NFYC: variants seen among roughly 807,000 people sequenced by gnomAD.
The protein encoded by NFYC is nuclear transcription factor Y subunit gamma.
In NFYC, 25 loss-of-function variants were observed where a neutral mutation model predicts 53.1. The ratio of observed to expected loss-of-function variants is 0.47; its 90% confidence interval spans 0.34 to 0.66. NFYC has a LOEUF of 0.66. Ranked by LOEUF, NFYC falls within the 30% of genes least tolerant of loss-of-function variation. The probability of loss-of-function intolerance (pLI) is 0.01; values close to 1 mark genes in which losing one functional copy is unlikely to be tolerated. For missense variants in NFYC, 260 were observed against 422.7 expected (o/e 0.62, Z 3.38); for synonymous variants, 145 against 152.6 (o/e 0.95, Z 0.37).
chr1:40,754,533 C>T, intron 5 of NFYC: 1 of 436,606 alleles, frequency 2.3e-6, no homozygotes, highest in Non-Finnish European at 4.8e-6. Context: ...TCCTTCCCTC[C>T]TCTCTCAGAA....
chr1:40,715,273 C>G (rs1044263831), intron 1 of NFYC, among the ~76,000 whole-genome samples: 1 of 151,604 alleles, frequency 6.6e-6, no homozygotes, highest in African/African-American at 2.4e-5. Flanking sequence ...AGGCGTAGTC[C>G]CAGCTATACA....
intron 3 of NFYC, 52 bp downstream of exon 3, chr1:40,747,657 G>A: frequency 8.4e-7 from 1 of 1,186,968 alleles, no homozygotes; most frequent in Non-Finnish European, 1.2e-6. Context: ...GTGATGGGTA[G>A]GTTATTGCTC....
chr1:40,767,527 G>A (rs927593245), intron 8 of NFYC, among the ~76,000 whole-genome samples: 1 of 152,070 alleles, frequency 6.6e-6, no homozygotes, highest in Non-Finnish European at 1.5e-5. Flanking sequence ...CCACTCCCCG[G>A]CTTACCTAAG....
intron 5 of NFYC, chr1:40,757,330 T>A (rs758462122): frequency 1.9e-6 from 1 of 534,312 alleles, no homozygotes; most frequent in South Asian, 1.4e-5. Flanking sequence ...AGCTGTGAGC[T>A]CAAGGTGGCT....
chr1:40,732,082 C>G (rs1246637876), intron 1 of NFYC, among the ~76,000 whole-genome samples: 4 of 152,220 alleles, frequency 2.6e-5, no homozygotes, highest in African/African-American at 9.6e-5. Context: ...TTTAGCGGAG[C>G]TTCCTGTGGT....
At chr1:40,737,901 CTTTTTT>C (rs530348029) in intron 1 of NFYC, among the ~76,000 whole-genome samples, 5 of 123,154 alleles carry the variant, frequency 4.1e-5, no homozygotes, top group African/African-American at 9.4e-5. Context: ...TGCTCTCTCT[CTTTTTT>C]TTTTTTTTTT....
intron 6 of NFYC, among the ~76,000 whole-genome samples, chr1:40,759,787 C>T (rs949055146): frequency 6.6e-6 from 1 of 151,960 alleles, no homozygotes; most frequent in African/African-American, 2.4e-5. Context: ...CAGGCAAAGG[C>T]TCAGAGGTGA....
intron 1 of NFYC, among the ~76,000 whole-genome samples, chr1:40,726,848 G>A (rs1644540980): frequency 1.3e-5 from 2 of 152,188 alleles, no homozygotes; most frequent in Non-Finnish European, 2.9e-5. Flanking sequence ...TTCAAAACTG[G>A]AGTTTGTCCT....
chr1:40,721,215 A>G (rs924014345), intron 1 of NFYC, among the ~76,000 whole-genome samples: 7 of 152,212 alleles, frequency 4.6e-5, no homozygotes, highest in African/African-American at 1.4e-4. Context: ...ATTTCTTTAC[A>G]TTTGTACTGT....
chr1:40,766,646 A>G lies in NFYC; in HGVS notation c.771A>G (p.Val257=), dbSNP rs781010614. ...QLQYIRLAQP[V]SGTQVVQGQI... ...AGTATATCCGCTTAGCCCAGCCTGT[A>G]TCAGGCACTCAAGTTGTGCAGGGAC... The change falls in exon 8 of 10, where the codon GTA becomes GTG. Residue 257 remains valine, a synonymous_variant. Coordinates refer to ENST00000447388, the MANE Select transcript of NFYC (RefSeq NM_014223.5). 2 of 1,614,088 alleles carry G rather than the reference A, an allele frequency of 1.2e-6. No individual in the cohort carries two copies. The highest frequency in any genetic ancestry group is 1.7e-6 in the Non-Finnish European group (2 of 1,179,996).
At chr1:40,735,220 G>T (rs1014697488) in intron 1 of NFYC, 1 of 150,422 alleles carries the variant, frequency 6.6e-6, no homozygotes, top group Non-Finnish European at 1.5e-5. Context: ...CTATGATGCA[G>T]TAAAATGTAA....
chr1:40,729,965 C>T (rs569042121), intron 1 of NFYC, among the ~76,000 whole-genome samples: 1 of 152,212 alleles, frequency 6.6e-6, no homozygotes, highest in East Asian at 1.9e-4. Flanking sequence ...CATGAGCCAC[C>T]GCGCCCAGCC....
intron 1 of NFYC, among the ~76,000 whole-genome samples, chr1:40,721,913 G>A (rs1644342425): frequency 6.6e-6 from 1 of 152,092 alleles, no homozygotes. Flanking sequence ...GCTCATGCCT[G>A]TAATCCCAGC....
intron 1 of NFYC, chr1:40,695,456 G>A (rs1643077285): frequency 6.6e-6 from 1 of 152,260 alleles, no homozygotes; most frequent in African/African-American, 2.4e-5. Context: ...GTTTTACTCT[G>A]TCACTCAGGC....
chr1:40,728,032 G>A (rs1644600439), intron 1 of NFYC, among the ~76,000 whole-genome samples: 2 of 151,914 alleles, frequency 1.3e-5, no homozygotes, highest in South Asian at 4.1e-4. Context: ...TCATGCTTTG[G>A]CCTCTAGAGT....
At chr1:40,748,104 G>A (rs1276892650) in intron 3 of NFYC, among the ~76,000 whole-genome samples, 1 of 151,160 alleles carries the variant, frequency 6.6e-6, no homozygotes, top group African/African-American at 2.4e-5. Context: ...CCAAAGTGCT[G>A]GGATTACAGG....
chr1:40,701,987 C>T (rs1414647077), intron 1 of NFYC, among the ~76,000 whole-genome samples: 1 of 152,104 alleles, frequency 6.6e-6, no homozygotes, highest in Non-Finnish European at 1.5e-5. Context: ...TGCTCTCTCT[C>T]ATGTTGCCTT....
intron 1 of NFYC, among the ~76,000 whole-genome samples, chr1:40,706,894 G>A (rs1156735470): frequency 6.6e-6 from 1 of 152,168 alleles, no homozygotes; most frequent in African/African-American, 2.4e-5. Context: ...ATGGGGCCGG[G>A]CGTGGTGGCT....
intron 1 of NFYC, among the ~76,000 whole-genome samples, chr1:40,709,806 G>A (rs550409958): frequency 1.5e-4 from 23 of 152,276 alleles, no homozygotes; most frequent in East Asian, 1.9e-4. Context: ...GTTGGGTATC[G>A]ACAAGATCAG....
Sources: allele counts gnomAD v4.1 joint callset (sites outside exome capture counted in the v4.1 genomes callset), GRCh38; gene constraint gnomAD v4.1.1; transcripts MANE v1.5; gene names NCBI Gene and HGNC (gene_info 2026-07-23, HGNC 2026-07-21).